Variants in CYLC2 observed in about 807,000 individuals in gnomAD.
CYLC2 encodes the protein cylicin-2.
A neutral mutation model predicts 26.1 loss-of-function variants in CYLC2; 30 were observed. The ratio of observed to expected loss-of-function variants is 1.15; its 90% confidence interval spans 0.86 to 1.56. The LOEUF (loss-of-function observed/expected upper bound fraction) is 1.56, where lower values mean the gene tolerates loss of function less well. Ranked by LOEUF, CYLC2 falls within the 40% of genes most tolerant of loss-of-function variation. CYLC2 has a pLI of 0.00. For missense variants in CYLC2, 498 were observed against 394.4 expected (o/e 1.26, Z -2.23); for synonymous variants, 158 against 132.8 (o/e 1.19, Z -1.31).
At chr9:103,001,053 C>A (rs1829283289) in intron 1 of CYLC2, among the ~76,000 whole-genome samples, 1 of 151,824 alleles carries the variant, frequency 6.6e-6, no homozygotes, top group Non-Finnish European at 1.5e-5. Context: ...TATACACATG[C>A]ACACACAAAT....
At chr9:102,996,946 G>C (rs1829243844) in intron 1 of CYLC2, among the ~76,000 whole-genome samples, 1 of 151,882 alleles carries the variant, frequency 6.6e-6, no homozygotes, top group Non-Finnish European at 1.5e-5. Flanking sequence ...TCTGAAACAG[G>C]TAGGAGAGGT....
intron 1 of CYLC2, among the ~76,000 whole-genome samples, chr9:102,995,621 G>A (rs1256288575): frequency 6.6e-6 from 1 of 151,724 alleles, no homozygotes; most frequent in African/African-American, 2.4e-5. Context: ...CTTTGGATAA[G>A]TCTTTTTTGT....
In CYLC2 at chr9:103,005,491, A is replaced by G. The variant is rs200924574; in HGVS notation, c.860A>G (p.Asp287Gly). The change falls in exon 5 of 8, where the codon GAT becomes GGT. Residue 287 changes from aspartate (D) to glycine (G), a missense_variant. Asp to Gly is a moderately conservative substitution (Grantham distance 94, BLOSUM62 -1). Coordinates refer to ENST00000374798, the MANE Select transcript of CYLC2 (RefSeq NM_001340.5). Reference protein sequence around the residue: ...PSSTDSDSKDDVKKESKKDAT... With the variant: ...PSSTDSDSKDGVKKESKKDAT... The stretch of plus-strand genomic sequence containing the variant: ...AGTACAGACAGTGACTCAAAGGATG[A>G]TGTCAAGAAAGAGTCTAAGAAGGAC... The G allele has an allele frequency of 2.7e-5, 43 of 1,613,620 alleles. No individual in the cohort carries two copies. The highest frequency in any genetic ancestry group is 1.2e-4 in the Admixed American group (7 of 59,926).
chr9:103,014,687 T>G (rs959763532), intron 6 of CYLC2, among the ~76,000 whole-genome samples: 1 of 130,048 alleles, frequency 7.7e-6, no homozygotes, highest in Non-Finnish European at 1.6e-5. Flanking sequence ...AGTATACATA[T>G]GTAATATACG....
At chr9:103,014,375 T>C (rs1020801569) in intron 6 of CYLC2, among the ~76,000 whole-genome samples, 2 of 136,416 alleles carry the variant, frequency 1.5e-5, no homozygotes, top group Non-Finnish European at 3.1e-5. Context: ...ATATACATTA[T>C]GTATATTACG....
Position 103,005,595 on chromosome 9 carries a change from A to T in CYLC2, c.964A>T (p.Asn322Tyr). 6.2e-7 allele frequency: 1 copy of T among 1,610,908 alleles called. No individual in the cohort carries two copies. Among genetic ancestry groups the T allele is most frequent in the Non-Finnish European group, 8.5e-7 (1 of 1,177,954 alleles). The change falls in exon 5 of 8, where the codon AAT becomes TAT. Residue 322 changes from asparagine (N) to tyrosine (Y), a missense_variant. Physicochemically the swap from Asn to Tyr is moderately radical, Grantham distance 143. Transcript: ENST00000374798. ...TGATTCAAAGAAGGATGCAAAGAAA[A>T]ATGCTAAGAAGGATGCAAAGAAGGA... ...SADSKKDAKK[N>Y]AKKDAKKDAK...
chr9:103,006,880 T>C (rs1018431037), intron 5 of CYLC2, among the ~76,000 whole-genome samples: 2 of 152,132 alleles, frequency 1.3e-5, no homozygotes, highest in East Asian at 1.9e-4. Flanking sequence ...CAATATATTG[T>C]ATTCTTGAAA....
Position 103,003,256 on chromosome 9 carries a change from C to A in CYLC2, c.173C>A (p.Thr58Lys), listed in dbSNP as rs143032108. The change falls in exon 3 of 8, where the codon ACG becomes AAG. Residue 58 changes from threonine to lysine, a missense_variant. Thr to Lys is a moderately conservative substitution (Grantham distance 78). Transcript: ENST00000374798. Reference sequence around the variant, plus strand: ...AAACCTTCTCAAATACGGGACAACACGGTTTCTGTAAGCATTGGAAAGATT... The same window carrying A: ...AAACCTTCTCAAATACGGGACAACAAGGTTTCTGTAAGCATTGGAAAGATT... ...RSKPSQIRDN[T>K]VSIIDEEQLR... is the part of the protein sequence containing the mutation. 6.2e-7 allele frequency: 1 copy of A among 1,612,392 alleles called. No individual in the cohort carries two copies. The highest frequency in any genetic ancestry group is 8.5e-7 in the Non-Finnish European group (1 of 1,179,134).
At chr9:102,999,333 A>G (rs1358193117) in intron 1 of CYLC2, among the ~76,000 whole-genome samples, 1 of 151,882 alleles carries the variant, frequency 6.6e-6, no homozygotes, top group African/African-American at 2.4e-5. Context: ...TAAACTCTGT[A>G]TCATATAAAC....
chr9:103,014,159 T>C (rs1305369324), intron 6 of CYLC2, among the ~76,000 whole-genome samples: 1 of 121,294 alleles, frequency 8.2e-6, no homozygotes, highest in Non-Finnish European at 1.6e-5. Flanking sequence ...ATTTAATATA[T>C]AATATGAATA....
chr9:103,004,732 A>G lies in CYLC2; in HGVS notation c.218A>G (p.Gln73Arg). 1.2e-6 allele frequency: 2 copies of G among 1,604,470 alleles called. No individual in the cohort carries two copies. Among genetic ancestry groups the G allele is most frequent in the East Asian group, 2.2e-5 (1 of 44,802 alleles). Residue 73 changes from glutamine to arginine, a missense_variant, in exon 4 of 8, where the codon CAA (glutamine) becomes CGA (arginine). By Grantham distance (43) the Gln-to-Arg change is conservative. Transcript: ENST00000374798. ...GAACAATTAAGAGGAGATCGTAGACAACCATTATGGATGTACCGTTCTTTA... is the reference window on the plus strand; with the variant it reads ...GAACAATTAAGAGGAGATCGTAGACGACCATTATGGATGTACCGTTCTTTA... Reference protein sequence around the residue: ...DEEQLRGDRRQPLWMYRSLMR... With the variant: ...DEEQLRGDRRRPLWMYRSLMR...
chr9:103,014,875 A>G (rs917984678), intron 6 of CYLC2, among the ~76,000 whole-genome samples: 7 of 132,978 alleles, frequency 5.3e-5, no homozygotes, highest in East Asian at 2.3e-4. Flanking sequence ...TATGTAATAT[A>G]CTATGTATAT....
chr9:103,016,673 G>T (rs566274500), intron 6 of CYLC2, among the ~76,000 whole-genome samples: 16 of 151,954 alleles, frequency 1.1e-4, no homozygotes, highest in African/African-American at 3.6e-4. Context: ...AGACAAGAAA[G>T]GAAAATTAAA....
intron 5 of CYLC2, among the ~76,000 whole-genome samples, chr9:103,011,051 T>C (rs1829401746): frequency 6.6e-6 from 1 of 152,092 alleles, no homozygotes; most frequent in Non-Finnish European, 1.5e-5. Context: ...TATAAGATTA[T>C]CTGCTAATGA....
At chr9:103,014,553 G>GTATATTACGCAA (rs1829469742) in intron 6 of CYLC2, among the ~76,000 whole-genome samples, 1 of 73,718 alleles carries the variant, frequency 1.4e-5, no homozygotes, top group South Asian at 3.7e-4. Flanking sequence ...ATATTATGCA[G>GTATATTACGCAA]TATACATCAT....
intron 5 of CYLC2, among the ~76,000 whole-genome samples, chr9:103,007,767 T>C (rs1829366264): frequency 6.6e-6 from 1 of 152,184 alleles, no homozygotes; most frequent in African/African-American, 2.4e-5. Context: ...AAACTTTGGA[T>C]GCAACATAAA....
At chr9:103,003,022 A>C (rs1230469051) in intron 2 of CYLC2, 120 bp from the exon 3 acceptor site, 2 of 1,120,324 alleles carry the variant, frequency 1.8e-6, no homozygotes, top group Middle Eastern at 2.2e-4. Context: ...CAAATAAATG[A>C]AGTCATAATT....
chr9:103,001,506 G>A, intron 1 of CYLC2, 72 bp from the exon 2 acceptor site: 1 of 898,894 alleles, frequency 1.1e-6, no homozygotes, highest in South Asian at 1.5e-5. Flanking sequence ...AGGTACTGGA[G>A]TAAAATAATG....
chr9:103,014,550 G>GTATATTACA lies in CYLC2; in HGVS notation c.*817-2338_*817-2337insTATATTACA, dbSNP rs1829469489. On this transcript the variant is annotated intron_variant, in intron 6 of 7. Coordinates refer to ENST00000374798, the MANE Select transcript of CYLC2 (RefSeq NM_001340.5). ...GCAATATACATCATATGTATATTAT[G>GTATATTACA]CAGTATACATCATATGTATATTATG... 2.9e-5 allele frequency among the ~76,000 whole-genome samples: 4 copies of GTATATTACA among 137,640 alleles called. 1 individual carries two copies. Among genetic ancestry groups the GTATATTACA allele is most frequent in the South Asian group, 4.5e-4 (2 of 4,436 alleles). 90.3% of individuals were successfully genotyped at this position (137,640 alleles called of 152,430 possible).
Sources: allele counts gnomAD v4.1 joint callset (sites outside exome capture counted in the v4.1 genomes callset), GRCh38; gene constraint gnomAD v4.1.1; transcripts MANE v1.5; gene names NCBI Gene and HGNC (gene_info 2026-07-23, HGNC 2026-07-21).